MAN1A1: variants seen among roughly 807,000 people sequenced by gnomAD.
MAN1A1 encodes mannosidase alpha class 1A member 1, also known as mannosyl-oligosaccharide 1,2-alpha-mannosidase IA.
Under a neutral mutation model 70.8 loss-of-function variants are expected in MAN1A1, and 29 were observed. The ratio of observed to expected loss-of-function variants is 0.41; its 90% CI spans 0.31 to 0.56. MAN1A1 has a LOEUF of 0.56. Ranked by LOEUF, MAN1A1 falls within the 20% of genes least tolerant of loss-of-function variation. The pLI, the probability that MAN1A1 is intolerant of heterozygous loss-of-function variation, is 0.29. For missense variants in MAN1A1, 747 were observed against 841.3 expected (o/e 0.89, Z 1.39); for synonymous variants, 349 against 330.1 (o/e 1.06, Z -0.62).
At chr6:119,214,804 C>T (rs1774152364) in intron 6 of MAN1A1, among the ~76,000 whole-genome samples, 1 of 152,142 alleles carries the variant, frequency 6.6e-6, no homozygotes, top group Non-Finnish European at 1.5e-5. Context: ...CCACACTTGG[C>T]CCACTACAGT....
intron 5 of MAN1A1, among the ~76,000 whole-genome samples, chr6:119,275,330 G>C (rs1162281319): frequency 1.5e-5 from 1 of 67,060 alleles, no homozygotes; most frequent in Non-Finnish European, 2.7e-5. Context: ...TTTTTGAGAC[G>C]GAGTCTCGCT....
intron 5 of MAN1A1, among the ~76,000 whole-genome samples, chr6:119,286,260 T>G (rs1417733008): frequency 1.3e-5 from 2 of 152,066 alleles, no homozygotes; most frequent in Admixed American, 6.6e-5. Context: ...TCTAAACATT[T>G]TTACGATTAT....
At chr6:119,231,753 A>G (rs1280976872) in intron 6 of MAN1A1, among the ~76,000 whole-genome samples, 2 of 152,190 alleles carry the variant, frequency 1.3e-5, no homozygotes, top group African/African-American at 4.8e-5. Context: ...TGATCACATG[A>G]TCACAAAGAC....
At chr6:119,228,227 C>T (rs1048577665) in intron 6 of MAN1A1, among the ~76,000 whole-genome samples, 1 of 152,112 alleles carries the variant, frequency 6.6e-6, no homozygotes, top group Non-Finnish European at 1.5e-5. Context: ...AATAACTTAA[C>T]TGAAGAAAGT....
intron 4 of MAN1A1, among the ~76,000 whole-genome samples, chr6:119,300,769 A>G (rs1360837394): frequency 6.6e-6 from 1 of 152,182 alleles, no homozygotes; most frequent in Non-Finnish European, 1.5e-5. Context: ...GTCCCTTAAT[A>G]TTGATCGGAA....
At chr6:119,243,331 T>C (rs1185745772) in intron 6 of MAN1A1, among the ~76,000 whole-genome samples, 2 of 152,062 alleles carry the variant, frequency 1.3e-5, no homozygotes, top group African/African-American at 2.4e-5. Context: ...GAAAATATAA[T>C]ATACTTCTTT....
intron 6 of MAN1A1, among the ~76,000 whole-genome samples, chr6:119,236,133 TAAAA>T (rs367861780): frequency 7.3e-6 from 1 of 137,044 alleles, no homozygotes; most frequent in Non-Finnish European, 1.6e-5. Context: ...AGACTCCGTC[TAAAA>T]AAAAAAAAAA....
intron 5 of MAN1A1, among the ~76,000 whole-genome samples, chr6:119,253,438 C>T (rs1775379234): frequency 6.6e-6 from 1 of 152,210 alleles, no homozygotes; most frequent in African/African-American, 2.4e-5. Flanking sequence ...AAAAGTTGAA[C>T]AAATTGGGCT....
At chr6:119,235,130 C>G (rs1048243765) in intron 6 of MAN1A1, among the ~76,000 whole-genome samples, 6 of 152,170 alleles carry the variant, frequency 3.9e-5, no homozygotes, top group African/African-American at 7.2e-5. Flanking sequence ...CCTTGAGATA[C>G]TACAATATTG....
intron 6 of MAN1A1, among the ~76,000 whole-genome samples, chr6:119,228,878 C>T (rs1774595520): frequency 1.3e-5 from 2 of 152,102 alleles, no homozygotes; most frequent in Admixed American, 1.3e-4. Context: ...CTCTGTGTGA[C>T]CCTCCCTTGT....
Position 119,203,955 on chromosome 6 carries a change from C to G in MAN1A1, c.1116+804G>C, listed in dbSNP as rs547259661. Among the ~76,000 whole-genome samples, 6 of 152,126 alleles carry G rather than the reference C, an allele frequency of 3.9e-5. No individual in the cohort carries two copies. In the South Asian group the frequency reaches 1.2e-3, roughly 32 times the overall value. On this transcript the variant is annotated intron_variant, in intron 7 of 12. Coordinates refer to ENST00000368468, the MANE Select transcript of MAN1A1 (RefSeq NM_005907.4). ...AATGTAGGGAGTGAATATCAACAAG[C>G]AGAGGCACAGGATTGAGTGCTAGGG...
intron 2 of MAN1A1, among the ~76,000 whole-genome samples, chr6:119,347,686 C>A (rs1295846430): frequency 6.6e-6 from 1 of 152,182 alleles, no homozygotes; most frequent in Non-Finnish European, 1.5e-5. Context: ...GGACTTTTTA[C>A]GGCCCCCTTC....
At chr6:119,195,134 G>A (rs1016710864) in intron 8 of MAN1A1, among the ~76,000 whole-genome samples, 1 of 151,988 alleles carries the variant, frequency 6.6e-6, no homozygotes, top group Admixed American at 6.6e-5. Flanking sequence ...GCCTGGCCCA[G>A]AGTTCTAATG....
chr6:119,212,275 G>A (rs1774075980), intron 6 of MAN1A1, among the ~76,000 whole-genome samples: 1 of 151,858 alleles, frequency 6.6e-6, no homozygotes, highest in African/African-American at 2.4e-5. Flanking sequence ...TTAGTCTCAG[G>A]GCCCAGCTGA....
intron 5 of MAN1A1, among the ~76,000 whole-genome samples, chr6:119,252,976 T>A (rs1055999421): frequency 6.6e-6 from 1 of 152,000 alleles, no homozygotes; most frequent in African/African-American, 2.4e-5. Context: ...CATTTTGCAT[T>A]TGAGGCAAGT....
chr6:119,347,569 G>A (rs539067338), intron 2 of MAN1A1, among the ~76,000 whole-genome samples: 50 of 152,312 alleles, frequency 3.3e-4, no homozygotes, highest in East Asian at 2.3e-3. Context: ...CGTGGTGACA[G>A]GTGACTGGGG....
chr6:119,257,455 C>G (rs1429831542), intron 5 of MAN1A1, among the ~76,000 whole-genome samples: 2 of 152,066 alleles, frequency 1.3e-5, no homozygotes, highest in East Asian at 3.9e-4. Context: ...GGCAGTAGCT[C>G]TCATTGGTTA....
chr6:119,222,884 C>T (rs1774403672), intron 6 of MAN1A1, among the ~76,000 whole-genome samples: 1 of 152,090 alleles, frequency 6.6e-6, no homozygotes, highest in African/African-American at 2.4e-5. Context: ...CCTGACCTTG[C>T]CACTGGGATT....
At chr6:119,244,117 A>G (rs892016040) in intron 6 of MAN1A1, among the ~76,000 whole-genome samples, 4 of 152,084 alleles carry the variant, frequency 2.6e-5, no homozygotes, top group African/African-American at 4.8e-5. Context: ...AAAAAACCCA[A>G]AATCTAAGTC....
Sources: allele counts gnomAD v4.1 joint callset (sites outside exome capture counted in the v4.1 genomes callset), GRCh38; gene constraint gnomAD v4.1.1; transcripts MANE v1.5; gene names NCBI Gene and HGNC (gene_info 2026-07-23, HGNC 2026-07-21).